GNAI1: variants seen among roughly 807,000 people sequenced by gnomAD.
The protein encoded by GNAI1 is G protein subunit alpha i1, also known as guanine nucleotide-binding protein G(i) subunit alpha-1.
Under a neutral mutation model 38.9 loss-of-function variants are expected in GNAI1, and 11 were observed. The ratio of observed to expected loss-of-function variants is 0.28; its 90% CI spans 0.18 to 0.47. The LOEUF is 0.47. Among genes scored for constraint, GNAI1 ranks in the 20% least tolerant of loss-of-function variants. The pLI is 0.99. For synonymous variants in GNAI1, 166 were observed against 145.1 expected, an observed-to-expected ratio of 1.14 and a Z score of -1.04; for missense variants, 317 against 436.9, an observed-to-expected ratio of 0.73 and a Z score of 2.45.
chr7:80,137,509 C>A (rs924601348), intron 1 of GNAI1, among the ~76,000 whole-genome samples: 1 of 151,308 alleles, frequency 6.6e-6, no homozygotes, highest in African/African-American at 2.4e-5. Context: ...TAGTAGAGAC[C>A]GGGTTTCACC....
Position 80,203,756 on chromosome 7 carries a change from C to A in GNAI1, c.514C>A (p.Gln172Lys). 1 of 1,590,262 alleles carries A rather than the reference C, an allele frequency of 6.3e-7. No homozygotes were observed. Among genetic ancestry groups the A allele is most frequent in the Non-Finnish European group, 8.6e-7 (1 of 1,160,462 alleles). ...IAQPNYIPTQ[Q>K]DVLRTRVKTT... ...TCAACCAAATTACATCCCGACTCAA[C>A]AAGATGTTCTCAGAACTAGAGTGAA... Residue 172 changes from glutamine (Q) to lysine (K), a missense_variant, in exon 5 of 8, where the codon CAA becomes AAA. Gln to Lys is a moderately conservative substitution (Grantham distance 53). Transcript: ENST00000649796.
At chr7:80,187,484 T>A (rs1788408721) in intron 1 of GNAI1, 1 of 152,184 alleles carries the variant, frequency 6.6e-6, no homozygotes, top group Non-Finnish European at 1.5e-5. Context: ...CGATGCTTAA[T>A]AAAAAATCAC....
chr7:80,189,231 G>A lies in GNAI1; in HGVS notation c.303G>A (p.Ala101=), dbSNP rs749639417. The A allele has an allele frequency of 2.4e-5, 38 of 1,610,136 alleles. No individual in the cohort carries two copies. Among genetic ancestry groups the A allele is most frequent in the Middle Eastern group, 1.7e-4 (1 of 6,054 alleles). ...TAGACTTTGGTGACTCAGCCCGGGC[G>A]GTAAGTTATTAAATTTGTTGGAGCT... ...LKIDFGDSAR[A]DDARQLFVLA... The change falls in exon 3 of 8, where the codon GCG becomes GCA. Residue 101 remains alanine, a splice_region_variant and synonymous_variant. Transcript: ENST00000649796.
intron 1 of GNAI1, among the ~76,000 whole-genome samples, chr7:80,177,174 G>C (rs1385114649): frequency 6.6e-6 from 1 of 151,230 alleles, no homozygotes; most frequent in Non-Finnish European, 1.5e-5. Context: ...GGGACTACAG[G>C]CACCCACCAC....
chr7:80,165,599 T>C (rs1787999406), intron 1 of GNAI1, among the ~76,000 whole-genome samples: 1 of 152,230 alleles, frequency 6.6e-6, no homozygotes, highest in Admixed American at 6.5e-5. Flanking sequence ...TTCAGAGTTT[T>C]GGCAGAATGT....
chr7:80,215,995 A>C (rs1788961721), intron 7 of GNAI1, among the ~76,000 whole-genome samples: 1 of 152,170 alleles, frequency 6.6e-6, no homozygotes, highest in African/African-American at 2.4e-5. Context: ...ACTGCAGAGC[A>C]GGCTGGGTAG....
chr7:80,144,786 C>T (rs901739994), intron 1 of GNAI1, among the ~76,000 whole-genome samples: 5 of 152,100 alleles, frequency 3.3e-5, no homozygotes, highest in African/African-American at 4.8e-5. Context: ...TATATGGTTC[C>T]GAAGTTAATC....
At position 80,193,516 on chromosome 7, in the gene GNAI1, A is replaced by C. The variant is rs1342495910; in HGVS notation, c.303+4285A>C. 3.9e-5 allele frequency among the ~76,000 whole-genome samples: 6 copies of C among 152,320 alleles called. No homozygotes were observed. In the East Asian group the frequency reaches 1.2e-3, roughly 29 times the overall value. On this transcript the variant is annotated intron_variant, in intron 3 of 7. Transcript: ENST00000649796. The stretch of plus-strand genomic sequence containing the variant: ...GTAGAATGAGGATAGTCCATCTGCG[A>C]GTGATAATATATTGATAATTTAGGT...
chr7:80,167,712 A>G (rs1206577760), intron 1 of GNAI1, among the ~76,000 whole-genome samples: 1 of 152,320 alleles, frequency 6.6e-6, no homozygotes, highest in South Asian at 2.1e-4. Context: ...TGTACATGCA[A>G]ACTGCAATAG....
chr7:80,190,694 T>A (rs1480153716), intron 3 of GNAI1, among the ~76,000 whole-genome samples: 2 of 152,148 alleles, frequency 1.3e-5, no homozygotes, highest in Admixed American at 1.3e-4. Context: ...CCAATTCTAA[T>A]TATAAACTTT....
rs928848135 is a variant in GNAI1, at chr7:80,221,737, G to A, written c.*4244G>A. Among the ~76,000 whole-genome samples, 1 of 135,342 alleles carries A rather than the reference G, an allele frequency of 7.4e-6. No individual in the cohort carries two copies. The highest frequency in any genetic ancestry group is 2.8e-5 in the African/African-American group (1 of 36,116). 88.8% of individuals were successfully genotyped at this position (135,342 alleles called of 152,430 possible). On this transcript the variant is annotated 3_prime_UTR_variant, in exon 8 of 8. Transcript: ENST00000649796. ...CACTCTCTGCAACCTCCAACTCCAT[G>A]GTTCAAGCAATTGTCCTGCCTCAGC...
At chr7:80,142,591 C>T (rs1787545939) in intron 1 of GNAI1, among the ~76,000 whole-genome samples, 1 of 152,180 alleles carries the variant, frequency 6.6e-6, no homozygotes, top group Non-Finnish European at 1.5e-5. Flanking sequence ...GATGGGATGG[C>T]ACATAGTAGC....
intron 3 of GNAI1, among the ~76,000 whole-genome samples, chr7:80,196,390 C>T (rs531437650): frequency 3.9e-5 from 6 of 152,126 alleles, no homozygotes; most frequent in African/African-American, 1.4e-4. Context: ...CCAGTCTTCT[C>T]TTAAGTAATC....
intron 1 of GNAI1, 155 bp downstream of exon 1, chr7:80,135,433 G>A (rs1021255529): frequency 1.8e-5 from 8 of 438,022 alleles, no homozygotes; most frequent in African/African-American, 1.4e-4. Context: ...GGCAAGGCGG[G>A]TCCCCCTCTC....
At chr7:80,144,745 A>G (rs913435363) in intron 1 of GNAI1, among the ~76,000 whole-genome samples, 1 of 152,324 alleles carries the variant, frequency 6.6e-6, no homozygotes, top group Admixed American at 6.5e-5. Flanking sequence ...GTTATAATCA[A>G]TATAATGTAG....
At chr7:80,184,349 C>T (rs1788353153) in intron 1 of GNAI1, among the ~76,000 whole-genome samples, 2 of 152,162 alleles carry the variant, frequency 1.3e-5, no homozygotes, top group Admixed American at 1.3e-4. Context: ...TACATTGGTA[C>T]GTCCAGGGTC....
At chr7:80,179,767 C>G (rs1788258075) in intron 1 of GNAI1, among the ~76,000 whole-genome samples, 1 of 152,120 alleles carries the variant, frequency 6.6e-6, no homozygotes, top group African/African-American at 2.4e-5. Flanking sequence ...GTGATTTACC[C>G]AGTCCATAAG....
chr7:80,187,209 T>TTGTGTG (rs369416678), intron 1 of GNAI1: 5,384 of 92,596 alleles, frequency 0.058, 112 homozygotes, highest in Non-Finnish European at 0.068. Flanking sequence ...GTGTGTGTCT[T>TTGTGTG]TGTGTGTGTG....
intron 1 of GNAI1, among the ~76,000 whole-genome samples, chr7:80,137,293 C>CTTTTCTTTTCTTTTTTTT (rs1787432808): frequency 6.3e-5 from 6 of 95,260 alleles, no homozygotes; most frequent in Non-Finnish European, 9.7e-5. Context: ...TTTCTTTTTT[C>CTTTTCTTTTCTTTTTTTT]TTTTTTTTTT....
Sources: allele counts gnomAD v4.1 joint callset (sites outside exome capture counted in the v4.1 genomes callset), GRCh38; gene constraint gnomAD v4.1.1; transcripts MANE v1.5; gene names NCBI Gene and HGNC (gene_info 2026-07-23, HGNC 2026-07-21).